The following SIPA1L3 variants were observed in gnomAD, a reference collection of about 807,000 sequenced individuals.
SIPA1L3 encodes the protein signal induced proliferation associated 1 like 3, also known as signal-induced proliferation-associated 1-like protein 3.
A neutral mutation model predicts 150.1 loss-of-function variants in SIPA1L3; 59 were observed. The ratio of observed to expected loss-of-function variants is 0.39; its 90% CI spans 0.32 to 0.49. The LOEUF is 0.49. Among genes scored for constraint, SIPA1L3 ranks in the 20% least tolerant of loss-of-function variants. The pLI is 0.86. For missense variants in SIPA1L3, 2,211 were observed against 2,489.5 expected (o/e 0.89, Z 2.38); for synonymous variants, 1,070 against 1,077.6 (o/e 0.99, Z 0.14).
intron 20 of SIPA1L3, 76 bp from the exon 21 acceptor site, chr19:38,204,051 G>A: frequency 1.7e-6 from 2 of 1,173,582 alleles, no homozygotes. Context: ...GTACCCCCAG[G>A]CTCCTCAGAT....
In SIPA1L3 at chr19:38,208,338, A is replaced by G. The variant is rs1041880336; in HGVS notation, c.*2098A>G. On this transcript the variant is annotated 3_prime_UTR_variant, in exon 22 of 22. Coordinates refer to ENST00000222345, the MANE Select transcript of SIPA1L3 (RefSeq NM_015073.3). The stretch of plus-strand genomic sequence containing the variant: ...TTGAGATTTTCTGGCATGTTTCTGG[A>G]GGTTTCAAAGGAAATAAAGGTTTCA... 15 of 146,826 alleles carry G rather than the reference A, an allele frequency of 1.0e-4. No homozygotes were observed. The highest frequency in any genetic ancestry group is 2.1e-4 in the South Asian group (1 of 4,676). 9.1% of individuals were successfully genotyped at this position (146,826 alleles called of 1,614,324 possible). A position where few individuals can be genotyped will look rare whatever the true frequency, so the allele number is the denominator to read the frequency against.
chr19:38,083,240 G>A, intron 3 of SIPA1L3, 141 bp downstream of exon 3: 2 of 905,334 alleles, frequency 2.2e-6, no homozygotes, highest in South Asian at 3.3e-5. Flanking sequence ...CTTCTGGAGG[G>A]CTGTGAGGAT....
rs370779271 is a variant in SIPA1L3 at position 38,130,551 on chromosome 19, C to A, written c.2922C>A (p.Leu974=). 1.4e-5 allele frequency: 22 copies of A among 1,613,606 alleles called. No individual in the cohort carries two copies. Among genetic ancestry groups the A allele is most frequent in the Non-Finnish European group, 1.9e-5 (22 of 1,180,024 alleles). ...TVDMTLRRNG[L]GQLGFHVKYD... ...ACATGACGCTTCGGCGGAACGGGCT[C>A]GGGCAGCTGGGCTTCCACGTGAAGT... Residue 974 remains leucine, a synonymous_variant, in exon 10 of 22, where the codon CTC becomes CTA. Transcript: ENST00000222345.
chr19:38,156,167 GGT>G, intron 13 of SIPA1L3, among the ~76,000 whole-genome samples: 1 of 152,222 alleles, frequency 6.6e-6, no homozygotes. Flanking sequence ...CTGTCTCCAG[GGT>G]GTGCGTGGTT....
intron 1 of SIPA1L3, among the ~76,000 whole-genome samples, chr19:37,951,148 CT>C (rs2046760391): frequency 6.6e-6 from 1 of 152,234 alleles, no homozygotes; most frequent in Admixed American, 6.5e-5. Flanking sequence ...GCCCTTGAAA[CT>C]GGAATTGTGT....
At chr19:38,201,460 C>T (rs932939235) in intron 19 of SIPA1L3, among the ~76,000 whole-genome samples, 10 of 152,220 alleles carry the variant, frequency 6.6e-5, no homozygotes, top group Admixed American at 2.6e-4. Flanking sequence ...AACGAATCCC[C>T]GTGGACCTGG....
chr19:38,050,828 G>A (rs1357788241), intron 2 of SIPA1L3, among the ~76,000 whole-genome samples: 1 of 152,154 alleles, frequency 6.6e-6, no homozygotes, highest in Non-Finnish European at 1.5e-5. Context: ...GGAGGCTGGG[G>A]CTGATGGATC....
At chr19:37,915,981 A>G (rs1163363685) in intron 1 of SIPA1L3, among the ~76,000 whole-genome samples, 1 of 151,818 alleles carries the variant, frequency 6.6e-6, no homozygotes, top group African/African-American at 2.4e-5. Flanking sequence ...TCAGACCAGA[A>G]GTTCAAGACC....
chr19:38,131,036 C>T (rs1017635209), intron 10 of SIPA1L3, among the ~76,000 whole-genome samples: 2 of 152,204 alleles, frequency 1.3e-5, no homozygotes, highest in African/African-American at 4.8e-5. Flanking sequence ...CCTCATTCTT[C>T]CCATTTCCTA....
chr19:38,124,329 G>A (rs1052854728), intron 9 of SIPA1L3, among the ~76,000 whole-genome samples: 22 of 149,698 alleles, frequency 1.5e-4, no homozygotes, highest in Admixed American at 5.3e-4. Flanking sequence ...AGACGGGGTC[G>A]CGGCCAGGCA....
chr19:38,124,831 C>A (rs1413484659), intron 9 of SIPA1L3, among the ~76,000 whole-genome samples: 1 of 152,152 alleles, frequency 6.6e-6, no homozygotes, highest in Non-Finnish European at 1.5e-5. Flanking sequence ...GAAACCCCGT[C>A]TCCACCAAAA....
intron 1 of SIPA1L3, among the ~76,000 whole-genome samples, chr19:37,976,710 G>A (rs923240320): frequency 4.6e-5 from 7 of 152,306 alleles, no homozygotes; most frequent in African/African-American, 1.2e-4. Context: ...AATGAGAACC[G>A]GAGGGTTGCT....
chr19:37,992,400 C>T (rs941590070), intron 1 of SIPA1L3, among the ~76,000 whole-genome samples: 1 of 152,172 alleles, frequency 6.6e-6, no homozygotes, highest in African/African-American at 2.4e-5. Context: ...CCTGTAATCC[C>T]AGCACTTTGG....
chr19:37,968,479 A>T (rs1318541748), intron 1 of SIPA1L3, among the ~76,000 whole-genome samples: 1 of 152,150 alleles, frequency 6.6e-6, no homozygotes, highest in African/African-American at 2.4e-5. Context: ...AAATGAAATC[A>T]TGTGATATAC....
chr19:37,927,464 A>AT (rs1297109744), intron 1 of SIPA1L3, among the ~76,000 whole-genome samples: 1 of 151,398 alleles, frequency 6.6e-6, no homozygotes, highest in Non-Finnish European at 1.5e-5. Flanking sequence ...CAGTAGGTAG[A>AT]TTTTCAACCC....
At chr19:38,094,968 A>C (rs1339097574) in intron 4 of SIPA1L3, among the ~76,000 whole-genome samples, 5 of 152,236 alleles carry the variant, frequency 3.3e-5, no homozygotes, top group Non-Finnish European at 1.5e-5. Flanking sequence ...CTGTAATCCC[A>C]GGAGGCTGAG....
At chr19:38,051,770 AT>A (rs1969201983) in intron 2 of SIPA1L3, among the ~76,000 whole-genome samples, 1 of 151,654 alleles carries the variant, frequency 6.6e-6, no homozygotes, top group South Asian at 2.1e-4. Flanking sequence ...TAACTTTTTA[AT>A]TTTTTTGTAG....
chr19:38,088,392 C>T (rs1568543639), intron 3 of SIPA1L3, among the ~76,000 whole-genome samples: 1 of 152,232 alleles, frequency 6.6e-6, no homozygotes, highest in Non-Finnish European at 1.5e-5. Context: ...ATGCCATGCA[C>T]TGTACTAAGT....
At chr19:37,936,756 A>G (rs1273075983) in intron 1 of SIPA1L3, among the ~76,000 whole-genome samples, 2 of 152,204 alleles carry the variant, frequency 1.3e-5, no homozygotes, top group Non-Finnish European at 2.9e-5. Context: ...CTCTGGAGGC[A>G]TGTACTGAAC....
Sources: gnomAD v4.1 joint callset for allele counts (sites outside exome capture counted in the v4.1 genomes callset) on GRCh38, gnomAD v4.1.1 for gene constraint, MANE v1.5 for transcripts, NCBI Gene and HGNC (gene_info 2026-07-23, HGNC 2026-07-21) for gene names.